The following CCDC178 variants were observed in gnomAD, a reference collection of about 807,000 sequenced individuals.
The protein encoded by CCDC178 is coiled-coil domain-containing protein 178.
A neutral mutation model predicts 117.4 loss-of-function variants in CCDC178; 126 were observed. The observed-to-expected ratio is 1.07, with a 90% CI of 0.93 to 1.24. The LOEUF (loss-of-function observed/expected upper bound fraction) is 1.24. Among genes scored for constraint, CCDC178 ranks in the 50% most tolerant of loss-of-function variants. CCDC178 has a pLI of 0.00. For synonymous variants in CCDC178, 283 were observed against 313.4 expected, an observed-to-expected ratio of 0.90 and a Z score of 1.02; for missense variants, 1,030 against 986.9, an observed-to-expected ratio of 1.04 and a Z score of -0.59.
intron 4 of CCDC178, among the ~76,000 whole-genome samples, chr18:33,396,452 C>T: frequency 6.6e-6 from 1 of 152,004 alleles, no homozygotes; most frequent in East Asian, 1.9e-4. Flanking sequence ...GATAGGTATG[C>T]CTTAGAGAAA....
rs566622695 is a variant in CCDC178 at position 33,364,082 on chromosome 18, T to C, written c.348+5968A>G. Reference sequence around the variant, plus strand: ...TACGCTCTAACAGCCAACAACCATGTGAGTGAGACCATTTTAATCATTATT... The same window carrying C: ...TACGCTCTAACAGCCAACAACCATGCGAGTGAGACCATTTTAATCATTATT... On this transcript the variant is annotated intron_variant, in intron 6 of 22. Transcript: ENST00000383096. 2.6e-5 allele frequency among the ~76,000 whole-genome samples: 4 copies of C among 152,160 alleles called. No homozygotes were observed. The South Asian group carries it at 8.3e-4, about 32-fold the overall frequency.
intron 20 of CCDC178, among the ~76,000 whole-genome samples, chr18:33,122,862 T>G (rs886612030): frequency 6.6e-6 from 1 of 152,148 alleles, no homozygotes; most frequent in Non-Finnish European, 1.5e-5. Context: ...CAGTGTTCTA[T>G]GAAACAGTCC....
chr18:33,086,462 A>T (rs559754360), intron 21 of CCDC178, among the ~76,000 whole-genome samples: 30 of 150,864 alleles, frequency 2.0e-4, no homozygotes, highest in Admixed American at 1.1e-3. Flanking sequence ...ATATATAGCG[A>T]GAAAGAGAGA....
intron 12 of CCDC178, among the ~76,000 whole-genome samples, chr18:33,288,215 C>G (rs1230139735): frequency 6.7e-6 from 1 of 149,742 alleles, no homozygotes; most frequent in Non-Finnish European, 1.5e-5. Context: ...CTACCTCCCT[C>G]CTCCTCTCCT....
chr18:33,158,268 G>T (rs1382287800), intron 20 of CCDC178, among the ~76,000 whole-genome samples: 1 of 151,996 alleles, frequency 6.6e-6, no homozygotes, highest in African/African-American at 2.4e-5. Context: ...GATCTAATTG[G>T]TATATCTTCC....
chr18:33,350,106 A>G (rs1486452733), intron 7 of CCDC178, among the ~76,000 whole-genome samples: 1 of 151,992 alleles, frequency 6.6e-6, no homozygotes, highest in African/African-American at 2.4e-5. Context: ...CTTTTAAAAA[A>G]TTGAAAAATA....
At chr18:32,959,442 C>T (rs2054661934) in intron 22 of CCDC178, among the ~76,000 whole-genome samples, 1 of 152,104 alleles carries the variant, frequency 6.6e-6, no homozygotes, top group African/African-American at 2.4e-5. Flanking sequence ...CATTTTAACT[C>T]TATAACATGC....
chr18:33,312,297 A>C (rs548033784), intron 11 of CCDC178, among the ~76,000 whole-genome samples: 1 of 152,252 alleles, frequency 6.6e-6, no homozygotes, highest in South Asian at 2.1e-4. Flanking sequence ...CAGGATCCCC[A>C]GACAGGCAGG....
intron 20 of CCDC178, among the ~76,000 whole-genome samples, chr18:33,100,414 C>A (rs1781123330): frequency 1.3e-5 from 2 of 151,920 alleles, no homozygotes; most frequent in South Asian, 2.1e-4. Flanking sequence ...AAAAAACACA[C>A]AATTTCATGG....
chr18:33,137,890 T>C (rs1040918337), intron 20 of CCDC178, among the ~76,000 whole-genome samples: 4 of 152,184 alleles, frequency 2.6e-5, no homozygotes, highest in Non-Finnish European at 5.9e-5. Flanking sequence ...TTTTTTCCTA[T>C]GTAAGGCTAC....
chr18:33,036,599 G>A (rs768247144), intron 21 of CCDC178, among the ~76,000 whole-genome samples: 6 of 151,846 alleles, frequency 4.0e-5, no homozygotes, highest in Non-Finnish European at 2.9e-5. Context: ...GGTATGGCAC[G>A]AGCAAAAGTC....
intron 2 of CCDC178, among the ~76,000 whole-genome samples, chr18:33,420,133 T>C (rs1271754797): frequency 6.6e-6 from 1 of 152,094 alleles, no homozygotes; most frequent in African/African-American, 2.4e-5. Context: ...TGAGATCATG[T>C]CCTTTGCAGC....
At chr18:33,402,287 G>C (rs2063718742) in intron 3 of CCDC178, among the ~76,000 whole-genome samples, 1 of 152,188 alleles carries the variant, frequency 6.6e-6, no homozygotes, top group Admixed American at 6.5e-5. Flanking sequence ...ATATAGCAAA[G>C]GCTTCCAGCA....
intron 21 of CCDC178, among the ~76,000 whole-genome samples, chr18:32,987,483 C>T (rs756564893): frequency 6.6e-6 from 1 of 151,984 alleles, no homozygotes; most frequent in African/African-American, 2.4e-5. Flanking sequence ...TGATGATTGA[C>T]AGGCTTAATA....
At chr18:32,944,474 A>G (rs1198076635) in intron 22 of CCDC178, among the ~76,000 whole-genome samples, 2 of 152,242 alleles carry the variant, frequency 1.3e-5, no homozygotes, top group Non-Finnish European at 2.9e-5. Flanking sequence ...AAGAATCACC[A>G]TGTCTGTAGT....
chr18:33,200,322 G>C (rs2058977827), intron 20 of CCDC178, among the ~76,000 whole-genome samples: 1 of 152,180 alleles, frequency 6.6e-6, no homozygotes. Flanking sequence ...GTGCTGACAA[G>C]ATTAATGTTT....
chr18:33,192,404 C>T (rs996043805), intron 20 of CCDC178, among the ~76,000 whole-genome samples: 14 of 151,904 alleles, frequency 9.2e-5, no homozygotes, highest in African/African-American at 4.8e-5. Flanking sequence ...TATACTAACA[C>T]GTTTACACTT....
At chr18:33,130,248 A>G (rs2058055102) in intron 20 of CCDC178, among the ~76,000 whole-genome samples, 1 of 152,032 alleles carries the variant, frequency 6.6e-6, no homozygotes, top group Non-Finnish European at 1.5e-5. Context: ...AAAATAGCAG[A>G]TTGTAATTTT....
chr18:33,046,361 C>A (rs1003795559), intron 21 of CCDC178, among the ~76,000 whole-genome samples: 8 of 152,068 alleles, frequency 5.3e-5, no homozygotes, highest in African/African-American at 1.9e-4. Context: ...ATCTGATCAC[C>A]CACCTTTTTT....
Sources: gnomAD v4.1 joint callset for allele counts (sites outside exome capture counted in the v4.1 genomes callset) on GRCh38, gnomAD v4.1.1 for gene constraint, MANE v1.5 for transcripts, NCBI Gene and HGNC (gene_info 2026-07-23, HGNC 2026-07-21) for gene names.